MARCHF8: variants seen among roughly 807,000 people sequenced by gnomAD.
The protein encoded by MARCHF8 is membrane associated ring-CH-type finger 8.
A neutral mutation model predicts 51.6 loss-of-function variants in MARCHF8; 40 were observed. The observed-to-expected ratio is 0.77, with a 90% CI of 0.60 to 1.01. MARCHF8 has a LOEUF of 1.01. Ranked by LOEUF, MARCHF8 falls within the 50% of genes least tolerant of loss-of-function variation. The pLI, the probability that MARCHF8 is intolerant of heterozygous loss-of-function variation, is 0.00. For synonymous variants in MARCHF8, 263 were observed against 280.3 expected (o/e 0.94, Z 0.62); for missense variants, 685 against 708.6 (o/e 0.97, Z 0.38).
At chr10:45,510,286 C>A (rs1336131534) in intron 2 of MARCHF8, among the ~76,000 whole-genome samples, 3 of 152,076 alleles carry the variant, frequency 2.0e-5, no homozygotes, top group African/African-American at 7.2e-5. Flanking sequence ...ATTATTTAAG[C>A]CATGCAGTCT....
intron 2 of MARCHF8, among the ~76,000 whole-genome samples, chr10:45,491,364 A>C (rs35079443): frequency 6.6e-6 from 1 of 152,184 alleles, no homozygotes; most frequent in South Asian, 2.1e-4. Context: ...ATGGTGAAAC[A>C]CCGTCTCTAC....
chr10:45,543,488 A>G (rs1417680655), intron 1 of MARCHF8, among the ~76,000 whole-genome samples: 1 of 152,188 alleles, frequency 6.6e-6, no homozygotes, highest in African/African-American at 2.4e-5. Flanking sequence ...ATACTTGACA[A>G]TCATATATCT....
At chr10:45,475,440 A>G (rs2042770365) in intron 3 of MARCHF8, among the ~76,000 whole-genome samples, 1 of 152,202 alleles carries the variant, frequency 6.6e-6, no homozygotes, top group Non-Finnish European at 1.5e-5. Context: ...CCAGTTCCTG[A>G]GTAAACCATC....
chr10:45,511,872 G>C (rs541740945), intron 2 of MARCHF8, among the ~76,000 whole-genome samples: 69 of 147,474 alleles, frequency 4.7e-4, no homozygotes, highest in Non-Finnish European at 8.4e-4. Flanking sequence ...GCCGCCCATC[G>C]TCTGGGACGT....
At chr10:45,488,433 G>C (rs1262606123) in intron 3 of MARCHF8, among the ~76,000 whole-genome samples, 2 of 152,126 alleles carry the variant, frequency 1.3e-5, no homozygotes, top group Non-Finnish European at 2.9e-5. Flanking sequence ...GTAGGAGATA[G>C]CACAGAGAGG....
At chr10:45,491,943 G>A (rs756585767) in intron 2 of MARCHF8, among the ~76,000 whole-genome samples, 5 of 152,202 alleles carry the variant, frequency 3.3e-5, no homozygotes, top group African/African-American at 9.6e-5. Flanking sequence ...AGACCTTTTT[G>A]ACATTAATTA....
At chr10:45,484,690 A>C (rs1348930789) in intron 3 of MARCHF8, among the ~76,000 whole-genome samples, 5 of 152,232 alleles carry the variant, frequency 3.3e-5, no homozygotes, top group African/African-American at 1.2e-4. Flanking sequence ...AAAGAAGCTA[A>C]GAACTGAAAG....
intron 2 of MARCHF8, among the ~76,000 whole-genome samples, chr10:45,497,398 A>G (rs192229360): frequency 7.0e-4 from 107 of 152,300 alleles, no homozygotes; most frequent in African/African-American, 2.3e-3. Context: ...CGAGCTATGT[A>G]AAAGACTTGA....
intron 3 of MARCHF8, among the ~76,000 whole-genome samples, chr10:45,477,800 C>G (rs558500395): frequency 1.3e-5 from 2 of 152,108 alleles, no homozygotes; most frequent in South Asian, 4.2e-4. Context: ...GACTTTAAGT[C>G]AAAAACAGTA....
intron 2 of MARCHF8, among the ~76,000 whole-genome samples, chr10:45,510,481 A>G (rs1485991026): frequency 6.6e-6 from 1 of 152,230 alleles, no homozygotes. Flanking sequence ...AATTTAGTAC[A>G]TATTTTAGTC....
chr10:45,471,279 A>C lies in MARCHF8; in HGVS notation c.154-6952T>G, dbSNP rs574267418. On this transcript the variant is annotated intron_variant, in intron 3 of 7. Transcript: ENST00000453424. The stretch of plus-strand genomic sequence containing the variant: ...AAATCCCCAGAACAATGAGGGGAAT[A>C]TATTACAGCACTGGTGGAGGGGACA... Among the ~76,000 whole-genome samples the C allele has an allele frequency of 2.0e-5, 3 of 152,346 alleles. No individual in the cohort carries two copies. The East Asian group carries it at 5.8e-4, about 29-fold the overall frequency.
At chr10:45,461,438 C>A (rs1430191531) in intron 5 of MARCHF8, 27 bp from the exon 6 acceptor site, 4 of 1,503,784 alleles carry the variant, frequency 2.7e-6, no homozygotes, top group Non-Finnish European at 3.6e-6. Flanking sequence ...ACCTGTCATT[C>A]CAAGGACAGT....
chr10:45,482,182 A>C (rs1467215619), intron 3 of MARCHF8, among the ~76,000 whole-genome samples: 4 of 152,240 alleles, frequency 2.6e-5, no homozygotes, highest in Non-Finnish European at 4.4e-5. Flanking sequence ...AACAAATTGA[A>C]AGATATCCCA....
chr10:45,472,695 C>G (rs545150765), intron 3 of MARCHF8, among the ~76,000 whole-genome samples: 3 of 152,242 alleles, frequency 2.0e-5, no homozygotes, highest in Non-Finnish European at 4.4e-5. Context: ...AACCTGCCCC[C>G]CTTCCACCTT....
intron 2 of MARCHF8, among the ~76,000 whole-genome samples, chr10:45,504,788 G>C (rs778777239): frequency 1.3e-5 from 2 of 152,114 alleles, no homozygotes; most frequent in African/African-American, 2.4e-5. Context: ...TCATGTTCGC[G>C]TATCTGGCAT....
chr10:45,511,176 G>C (rs2043493641), intron 2 of MARCHF8, among the ~76,000 whole-genome samples: 1 of 151,824 alleles, frequency 6.6e-6, no homozygotes, highest in Non-Finnish European at 1.5e-5. Flanking sequence ...ATGAAGTAAG[G>C]GTTTGCTAAA....
chr10:45,556,413 A>G (rs927513175), intron 1 of MARCHF8, among the ~76,000 whole-genome samples: 1 of 152,184 alleles, frequency 6.6e-6, no homozygotes, highest in Non-Finnish European at 1.5e-5. Flanking sequence ...ACAAGAATGT[A>G]CCCCCAAAAA....
chr10:45,556,272 TAC>T (rs1170480211), intron 1 of MARCHF8, among the ~76,000 whole-genome samples: 1 of 152,198 alleles, frequency 6.6e-6, no homozygotes, highest in East Asian at 1.9e-4. Context: ...CAAATCACAG[TAC>T]ACACAAACAC....
chr10:45,589,401 T>A (rs2044653368), intron 1 of MARCHF8, among the ~76,000 whole-genome samples: 1 of 152,112 alleles, frequency 6.6e-6, no homozygotes, highest in Non-Finnish European at 1.5e-5. Flanking sequence ...GCATCTTTGT[T>A]AAAAAAAATT....
Sources: gnomAD v4.1 joint callset for allele counts (sites outside exome capture counted in the v4.1 genomes callset) on GRCh38, gnomAD v4.1.1 for gene constraint, MANE v1.5 for transcripts, NCBI Gene and HGNC (gene_info 2026-07-23, HGNC 2026-07-21) for gene names.